The following HIVEP1 variants were observed in gnomAD, a reference collection of about 807,000 sequenced individuals.
HIVEP1 encodes zinc finger protein 40.
In HIVEP1, 36 loss-of-function variants were observed where a neutral mutation model predicts 180.0. The observed-to-expected ratio is 0.20, with a 90% CI of 0.15 to 0.26. The LOEUF (loss-of-function observed/expected upper bound fraction) is 0.26, where lower values mean the gene tolerates loss of function less well. Ranked by LOEUF, HIVEP1 falls within the 10% of genes least tolerant of loss-of-function variation. HIVEP1 has a pLI of 1.00. For missense variants in HIVEP1, 3,143 were observed against 3,268.7 expected (o/e 0.96, Z 0.94); for synonymous variants, 1,239 against 1,239.0 (o/e 1.00, Z 0.00).
chr6:12,041,354 G>A (rs1415997991), intron 2 of HIVEP1, among the ~76,000 whole-genome samples: 2 of 150,030 alleles, frequency 1.3e-5, no homozygotes, highest in African/African-American at 2.5e-5. Flanking sequence ...CCCGGGAGGC[G>A]GAGCTTGTAG....
chr6:12,178,146 T>G, the HIVEP1 span, among the ~76,000 whole-genome samples: 1 of 152,234 alleles, frequency 6.6e-6, no homozygotes, highest in Non-Finnish European at 1.5e-5. Flanking sequence ...ACTTTGGTAC[T>G]ACCCTCAAAA....
At chr6:12,036,833 G>A (rs188713811) in intron 2 of HIVEP1, among the ~76,000 whole-genome samples, 109 of 152,342 alleles carry the variant, frequency 7.2e-4, no homozygotes, top group Non-Finnish European at 1.1e-3. Context: ...GCTTGAACCC[G>A]GGAGGCGGAG....
At chr6:12,205,751 G>A in the HIVEP1 span, among the ~76,000 whole-genome samples, 1 of 152,174 alleles carries the variant, frequency 6.6e-6, no homozygotes, top group East Asian at 1.9e-4. Flanking sequence ...CACTTAAAAT[G>A]TACTAGATAA....
rs779117251 is a variant in HIVEP1 at position 12,120,272 on chromosome 6, C to T, written c.477C>T (p.Leu159=). 1.1e-5 allele frequency: 18 copies of T among 1,614,002 alleles called. No individual in the cohort carries two copies. Among genetic ancestry groups the T allele is most frequent in the Middle Eastern group, 1.6e-4 (1 of 6,080 alleles). ...CTGATCCTGCCAAATTCAGTGACCT[C>T]GATGAACAATGTGACTCAAGTTCCT... The part of the protein sequence containing the change: ...EGADPAKFSD[L]DEQCDSSSLS... Residue 159 remains leucine, a synonymous_variant, in exon 4 of 9, where the codon CTC becomes CTT. Transcript: ENST00000379388.
intron 2 of HIVEP1, among the ~76,000 whole-genome samples, chr6:12,078,948 A>T (rs1451630370): frequency 2.0e-4 from 31 of 152,010 alleles, no homozygotes; most frequent in Admixed American, 2.0e-3. Flanking sequence ...GCGTGCGTGT[A>T]TGCGTGTGCA....
chr6:12,135,962 T>A (rs1758681674), intron 7 of HIVEP1, 70 bp downstream of exon 7: 1 of 868,490 alleles, frequency 1.2e-6, no homozygotes, highest in African/African-American at 1.7e-5. Flanking sequence ...CCATACCCTT[T>A]CCATTCCCAC....
chr6:12,132,707 G>A lies in HIVEP1; in HGVS notation c.6385+1765G>A, dbSNP rs540639082. Among the ~76,000 whole-genome samples, 20 of 152,192 alleles carry A rather than the reference G, an allele frequency of 1.3e-4. 1 individual carries two copies. The South Asian group carries it at 4.1e-3, about 32-fold the overall frequency. Reference sequence around the variant, plus strand: ...TCTAATATGCTGTATATCTGAATTTGCATTAAATTTGTTGTTTTGTAAGAT... The same window carrying A: ...TCTAATATGCTGTATATCTGAATTTACATTAAATTTGTTGTTTTGTAAGAT... On this transcript the variant is annotated intron_variant, in intron 6 of 8. Coordinates refer to ENST00000379388, the MANE Select transcript of HIVEP1 (RefSeq NM_002114.4).
At chr6:12,152,078 C>T (rs1562004728) in intron 7 of HIVEP1, among the ~76,000 whole-genome samples, 1 of 152,080 alleles carries the variant, frequency 6.6e-6, no homozygotes, top group Non-Finnish European at 1.5e-5. Context: ...ATCGCTTGAA[C>T]CTGGGAGGCA....
chr6:12,107,630 C>G (rs969473813), intron 3 of HIVEP1, among the ~76,000 whole-genome samples: 4 of 152,188 alleles, frequency 2.6e-5, no homozygotes, highest in African/African-American at 9.7e-5. Context: ...CGTGGTCTCG[C>G]TGGCTCAGGA....
chr6:12,092,626 C>T (rs1382753161), intron 3 of HIVEP1, among the ~76,000 whole-genome samples: 1 of 152,086 alleles, frequency 6.6e-6, no homozygotes, highest in Non-Finnish European at 1.5e-5. Context: ...AAACTTTTTG[C>T]ATTCCCACTA....
rs1126472 is a variant in HIVEP1, at chr6:12,125,539, A to G, written c.5744A>G (p.Gln1915Arg). The change falls in exon 4 of 9, where the codon CAG becomes CGG. Residue 1915 changes from glutamine to arginine, a missense_variant. By Grantham distance (43) the Gln-to-Arg change is conservative. Around this residue, in one of 12 missense-constraint regions of HIVEP1, gnomAD observed 1,357 missense variants for 1,260.5 expected, o/e 1.08. Transcript: ENST00000379388. The stretch of plus-strand genomic sequence containing the variant: ...GTGAACATCCAAGAGCAAAGTCAAC[A>G]GCCAGTCACTTCTCTTTCATTGTTT... ...DKVNIQEQSQ[Q>R]PVTSLSLFNI... 183,535 of 1,613,972 alleles carry G rather than the reference A, an allele frequency of 0.11. 11,695 individuals carry two copies. Among genetic ancestry groups the G allele is most frequent in the Middle Eastern group, 0.22 (1,355 of 6,060 alleles).
Position 12,124,470 on chromosome 6 carries a change from A to G in HIVEP1, c.4675A>G (p.Lys1559Glu), listed in dbSNP as rs547133314. ...TAAAAGTGAGGATTGCTTTGCTCCCAAATACCAATTGCATTGTCAGGTTTT... is the reference window on the plus strand; with the variant it reads ...TAAAAGTGAGGATTGCTTTGCTCCCGAATACCAATTGCATTGTCAGGTTTT... ...SSKSEDCFAPKYQLHCQVFTS... is the reference protein window; with the variant it reads ...SSKSEDCFAPEYQLHCQVFTS... The change falls in exon 4 of 9, where the codon AAA becomes GAA. Residue 1559 changes from lysine to glutamate, a missense_variant. Lys to Glu is a moderately conservative substitution (Grantham distance 56). Around this residue, in one of 12 missense-constraint regions of HIVEP1, gnomAD observed 1,357 missense variants for 1,260.5 expected, o/e 1.08. Transcript: ENST00000379388. 3.1e-6 allele frequency: 5 copies of G among 1,614,212 alleles called. No individual in the cohort carries two copies. Among genetic ancestry groups the G allele is most frequent in the Non-Finnish European group, 4.2e-6 (5 of 1,180,042 alleles).
At chr6:12,079,958 A>ATCTATCTG (rs1169138096) in intron 2 of HIVEP1, among the ~76,000 whole-genome samples, 8 of 151,826 alleles carry the variant, frequency 5.3e-5, no homozygotes, top group Non-Finnish European at 8.8e-5. Flanking sequence ...CTATCTATCT[A>ATCTATCTG]TCTATCTATC....
intron 2 of HIVEP1, among the ~76,000 whole-genome samples, chr6:12,036,633 G>A (rs1021620843): frequency 4.6e-5 from 7 of 152,238 alleles, no homozygotes; most frequent in African/African-American, 1.7e-4. Context: ...GCTGAGTGCT[G>A]TGGCTCACGC....
intron 7 of HIVEP1, among the ~76,000 whole-genome samples, chr6:12,145,998 G>C (rs981829120): frequency 2.6e-5 from 4 of 152,180 alleles, no homozygotes; most frequent in Admixed American, 2.6e-4. Context: ...ATGCTAATAG[G>C]ATATGTAAGA....
intron 2 of HIVEP1, among the ~76,000 whole-genome samples, chr6:12,017,978 G>A (rs574244210): frequency 6.6e-6 from 1 of 152,344 alleles, no homozygotes; most frequent in Admixed American, 6.5e-5. Flanking sequence ...AGGGGGCAGC[G>A]CTCATCGGGG....
intron 2 of HIVEP1, among the ~76,000 whole-genome samples, chr6:12,073,284 T>A (rs1378797971): frequency 6.6e-6 from 1 of 152,226 alleles, no homozygotes; most frequent in Non-Finnish European, 1.5e-5. Context: ...TCACTGCTGA[T>A]ACTTTGCTCA....
intron 1 of HIVEP1, among the ~76,000 whole-genome samples, chr6:12,015,086 G>A (rs1012667382): frequency 5.3e-5 from 8 of 152,248 alleles, no homozygotes; most frequent in Non-Finnish European, 1.0e-4. Flanking sequence ...GTCCTACCAT[G>A]AACCTAGAGG....
chr6:12,097,634 A>G (rs1773857201), intron 3 of HIVEP1, among the ~76,000 whole-genome samples: 1 of 152,176 alleles, frequency 6.6e-6, no homozygotes. Flanking sequence ...CTGGGAAATT[A>G]GTATTTTAAT....
Sources: allele counts gnomAD v4.1 joint callset (sites outside exome capture counted in the v4.1 genomes callset), GRCh38; gene constraint gnomAD v4.1.1; regional missense constraint gnomAD v4.1.1; transcripts MANE v1.5; gene names NCBI Gene and HGNC (gene_info 2026-07-23, HGNC 2026-07-21).